Variants in ANXA8 observed in about 807,000 individuals in gnomAD.
ANXA8 encodes the protein VAC-beta.
In ANXA8, 9 loss-of-function variants were observed where a neutral mutation model predicts 26.8. The observed-to-expected ratio is 0.34, with a 90% CI of 0.20 to 0.59. ANXA8 has a LOEUF of 0.59. ANXA8 is among the 20% of genes least tolerant of loss of function. ANXA8 has a pLI of 0.84. For missense variants in ANXA8, 83 were observed against 238.5 expected, an observed-to-expected ratio of 0.35 and a Z score of 4.29; for synonymous variants, 39 against 94.8, an observed-to-expected ratio of 0.41 and a Z score of 3.42.
At chr10:47,959,367 G>C in the ANXA8 span, among the ~76,000 whole-genome samples, 1 of 148,392 alleles carries the variant, frequency 6.7e-6, no homozygotes, top group African/African-American at 2.6e-5. Flanking sequence ...GATTGTGGTG[G>C]GGGTAATAAT....
the ANXA8 span, among the ~76,000 whole-genome samples, chr10:47,709,869 A>G: frequency 1.3e-5 from 1 of 75,574 alleles, no homozygotes; most frequent in African/African-American, 6.2e-5. Flanking sequence ...GACTCCAGGG[A>G]TTGGGGAACC....
upstream of ANXA8, chr10:47,484,898 G>C (rs1287808592): frequency 5.5e-3 from 2,518 of 455,828 alleles, 24 homozygotes; most frequent in Non-Finnish European, 7.1e-3. Flanking sequence ...GTGCTTCTGA[G>C]CAGCTGTAGT....
At chr10:47,944,161 G>A in the ANXA8 span, among the ~76,000 whole-genome samples, 1 of 145,380 alleles carries the variant, frequency 6.9e-6, no homozygotes, top group South Asian at 2.2e-4. Flanking sequence ...TCTGGTGAGG[G>A]CCTCTTACTC....
At chr10:47,607,230 G>GTGGTTATATTATTTTGACTGTTTT in the ANXA8 span, among the ~76,000 whole-genome samples, 2 of 141,670 alleles carry the variant, frequency 1.4e-5, no homozygotes, top group East Asian at 4.2e-4. Context: ...TTGACTGTTT[G>GTGGTTATATTATTTTGACTGTTTT]TAGTCATATT....
the ANXA8 span, among the ~76,000 whole-genome samples, chr10:47,560,061 C>T: frequency 2.0e-5 from 3 of 150,812 alleles, no homozygotes; most frequent in Non-Finnish European, 4.4e-5. Context: ...GTTATACACA[C>T]ACAGTTTCTG....
At chr10:47,970,920 T>C in the ANXA8 span, among the ~76,000 whole-genome samples, 34 of 151,356 alleles carry the variant, frequency 2.2e-4, 1 homozygote, top group Admixed American at 1.4e-3. Flanking sequence ...GTCAGTTTGA[T>C]GAACACACTA....
chr10:47,902,925 CCT>C, the ANXA8 span, among the ~76,000 whole-genome samples: 2 of 151,894 alleles, frequency 1.3e-5, no homozygotes, highest in Non-Finnish European at 2.9e-5. Context: ...ATCCTGTTAA[CCT>C]CTCTTTTGGA....
At chr10:47,733,221 C>CTTTCTTTCTCTCTT in the ANXA8 span, among the ~76,000 whole-genome samples, 1 of 58,190 alleles carries the variant, frequency 1.7e-5, no homozygotes, top group African/African-American at 6.5e-5. Context: ...TTCTTTCTTT[C>CTTTCTTTCTCTCTT]TCTTTCTTTC....
the ANXA8 span, among the ~76,000 whole-genome samples, chr10:47,534,709 C>T: frequency 1.8e-3 from 175 of 99,630 alleles, 5 homozygotes; most frequent in African/African-American, 3.9e-3. Flanking sequence ...GGCTAGAGTG[C>T]AATGGTGCGA....
the ANXA8 span, among the ~76,000 whole-genome samples, chr10:47,971,446 G>T: frequency 6.9e-6 from 1 of 144,240 alleles, no homozygotes; most frequent in Admixed American, 7.0e-5. Context: ...TATGCATCCA[G>T]TTTGGCTGAC....
the ANXA8 span, among the ~76,000 whole-genome samples, chr10:47,660,065 C>T: frequency 4.8e-5 from 7 of 147,138 alleles, no homozygotes; most frequent in Non-Finnish European, 1.0e-4. Context: ...TGAATCCTGG[C>T]TTTTGAATGT....
At chr10:47,674,103 T>G in the ANXA8 span, among the ~76,000 whole-genome samples, 5 of 151,468 alleles carry the variant, frequency 3.3e-5, no homozygotes, top group East Asian at 1.9e-4. Context: ...TTTGTATTTT[T>G]GGGACGAAGA....
At chr10:47,711,694 C>G in the ANXA8 span, among the ~76,000 whole-genome samples, 1 of 133,788 alleles carries the variant, frequency 7.5e-6, no homozygotes, top group African/African-American at 3.2e-5. Context: ...GTGCATGCTA[C>G]ACAAGAATGT....
At chr10:47,520,267 AAATT>A in the ANXA8 span, among the ~76,000 whole-genome samples, 1 of 29,346 alleles carries the variant, frequency 3.4e-5, no homozygotes, top group Non-Finnish European at 6.0e-5. Flanking sequence ...AACACATGAC[AAATT>A]AATTGTGTTG....
chr10:47,953,877 A>G, the ANXA8 span, among the ~76,000 whole-genome samples: 9 of 150,402 alleles, frequency 6.0e-5, no homozygotes, highest in Non-Finnish European at 1.0e-4. Context: ...GCTTTTATCC[A>G]AGAAAGGCAA....
At chr10:47,556,291 C>T in the ANXA8 span, among the ~76,000 whole-genome samples, 2 of 151,914 alleles carry the variant, frequency 1.3e-5, no homozygotes, top group South Asian at 2.1e-4. Flanking sequence ...TAAGACCCAT[C>T]TCAAATATCA....
At chr10:47,940,022 ATGCCACAC>A in the ANXA8 span, among the ~76,000 whole-genome samples, 1 of 148,544 alleles carries the variant, frequency 6.7e-6, no homozygotes, top group East Asian at 2.2e-4. Flanking sequence ...GTCCTCACAT[ATGCCACAC>A]TGTGCCCAGC....
At chr10:47,492,981 G>A in the ANXA8 span, among the ~76,000 whole-genome samples, 2 of 151,392 alleles carry the variant, frequency 1.3e-5, no homozygotes, top group African/African-American at 4.9e-5. Context: ...TGGGACTCGG[G>A]AGCTGAGACC....
the ANXA8 span, among the ~76,000 whole-genome samples, chr10:47,626,053 T>C: frequency 2.7e-5 from 4 of 150,482 alleles, no homozygotes; most frequent in Non-Finnish European, 4.4e-5. Context: ...ATTTCTTCCC[T>C]TTTTAAAGCC....
Sources: gnomAD v4.1 joint callset for allele counts (sites outside exome capture counted in the v4.1 genomes callset) on GRCh38, gnomAD v4.1.1 for gene constraint, MANE v1.5 for transcripts, NCBI Gene and HGNC (gene_info 2026-07-23, HGNC 2026-07-21) for gene names.